The following MGAT4C variants were observed in gnomAD, a reference collection of about 807,000 sequenced individuals.
MGAT4C encodes alpha-1,3-mannosyl-glycoprotein 4-beta-N-acetylglucosaminyltransferase C.
In MGAT4C, 19 loss-of-function variants were observed where a neutral mutation model predicts 40.1. That is an observed-to-expected ratio of 0.47 (90% CI 0.33 to 0.70). The LOEUF is 0.70. Among genes scored for constraint, MGAT4C ranks in the 30% least tolerant of loss-of-function variants. MGAT4C has a pLI of 0.02. For missense variants in MGAT4C, 491 were observed against 563.2 expected (o/e 0.87, Z 1.30); for synonymous variants, 181 against 187.1 (o/e 0.97, Z 0.27).
At chr12:86,732,589 C>T (rs768119284) in intron 1 of MGAT4C, among the ~76,000 whole-genome samples, 11 of 151,958 alleles carry the variant, frequency 7.2e-5, no homozygotes, top group Admixed American at 2.6e-4. Context: ...CACTAGAGTT[C>T]GGACTCCTGT....
intron 1 of MGAT4C, among the ~76,000 whole-genome samples, chr12:86,109,094 C>T (rs1458334804): frequency 6.6e-6 from 1 of 152,112 alleles, no homozygotes; most frequent in Non-Finnish European, 1.5e-5. Flanking sequence ...GGATTTAAAT[C>T]AGCACTATTG....
At chr12:86,097,481 C>A (rs750637870) in intron 1 of MGAT4C, among the ~76,000 whole-genome samples, 1 of 151,488 alleles carries the variant, frequency 6.6e-6, no homozygotes, top group Non-Finnish European at 1.5e-5. Flanking sequence ...TTTTCAATAT[C>A]ACATTTTTAG....
chr12:86,731,734 A>G (rs889090865), intron 1 of MGAT4C, among the ~76,000 whole-genome samples: 52 of 145,428 alleles, frequency 3.6e-4, no homozygotes, highest in African/African-American at 1.4e-3. Context: ...TTCTTCTGGG[A>G]AAAAAAATGC....
chr12:86,131,743 G>T (rs551009121), intron 1 of MGAT4C, among the ~76,000 whole-genome samples: 27 of 150,806 alleles, frequency 1.8e-4, no homozygotes, highest in South Asian at 4.2e-4. Context: ...ATAAAAACTG[G>T]TTTTTTTTTC....
chr12:86,521,832 T>C (rs1044104505), intron 2 of MGAT4C, among the ~76,000 whole-genome samples: 3 of 152,114 alleles, frequency 2.0e-5, no homozygotes, highest in Non-Finnish European at 4.4e-5. Context: ...CTTGGTTAGC[T>C]GTATTCCCAG....
chr12:86,652,884 G>T, intron 2 of MGAT4C, among the ~76,000 whole-genome samples: 2 of 151,346 alleles, frequency 1.3e-5, no homozygotes, highest in Non-Finnish European at 1.5e-5. Flanking sequence ...CATTTGAATG[G>T]GCATTATTTT....
intron 1 of MGAT4C, among the ~76,000 whole-genome samples, chr12:86,127,284 G>A (rs1454316695): frequency 2.0e-5 from 3 of 152,148 alleles, no homozygotes; most frequent in Non-Finnish European, 4.4e-5. Context: ...ACAGTGGTAA[G>A]TATTTGTGTA....
chr12:86,244,951 C>A (rs7958540), intron 1 of MGAT4C, among the ~76,000 whole-genome samples: 2,681 of 152,194 alleles, frequency 0.018, 76 homozygotes, highest in African/African-American at 0.061. Context: ...GGGTGGTATG[C>A]ATTATCTCAT....
intron 4 of MGAT4C, among the ~76,000 whole-genome samples, chr12:86,316,079 CAAAAA>C (rs71076185): frequency 1.4e-3 from 48 of 34,064 alleles, no homozygotes; most frequent in South Asian, 4.0e-3. Flanking sequence ...ATACAAGCAG[CAAAAA>C]AAAAAAAAAA....
chr12:86,473,486 T>C (rs1181159491), intron 2 of MGAT4C, among the ~76,000 whole-genome samples: 2 of 152,136 alleles, frequency 1.3e-5, no homozygotes, highest in Admixed American at 6.6e-5. Flanking sequence ...TTACCAGAGA[T>C]TGATGGAGAA....
At chr12:86,289,839 C>A (rs1039841004) in intron 4 of MGAT4C, among the ~76,000 whole-genome samples, 1 of 151,942 alleles carries the variant, frequency 6.6e-6, no homozygotes, top group African/African-American at 2.4e-5. Context: ...AATTGTTTTC[C>A]CAAATTCATA....
At chr12:85,999,010 T>C (rs537440233) in intron 2 of MGAT4C, among the ~76,000 whole-genome samples, 1 of 152,272 alleles carries the variant, frequency 6.6e-6, no homozygotes, top group African/African-American at 2.4e-5. Context: ...TTTAATGGAC[T>C]TACAGTTCCA....
chr12:86,368,206 A>G (rs1955644505), intron 3 of MGAT4C, among the ~76,000 whole-genome samples: 1 of 152,178 alleles, frequency 6.6e-6, no homozygotes, highest in South Asian at 2.1e-4. Context: ...CATATCAACA[A>G]TGAAAAGGAA....
chr12:86,294,055 C>CAT (rs2136131325), intron 4 of MGAT4C, among the ~76,000 whole-genome samples: 1 of 151,972 alleles, frequency 6.6e-6, no homozygotes, highest in South Asian at 2.1e-4. Flanking sequence ...CCAGTGCACA[C>CAT]AAAGATCATG....
chr12:86,099,130 C>T (rs958940831), intron 1 of MGAT4C, among the ~76,000 whole-genome samples: 7 of 150,902 alleles, frequency 4.6e-5, no homozygotes, highest in Non-Finnish European at 8.9e-5. Context: ...TCAATAACTC[C>T]TTTATTTATT....
At chr12:86,013,729 C>A (rs1888757585) in intron 2 of MGAT4C, 6 of 983,692 alleles carry the variant, frequency 6.1e-6, no homozygotes, top group Non-Finnish European at 7.2e-6. Context: ...GAACATACGG[C>A]TTTTCTAGTG....
intron 1 of MGAT4C, among the ~76,000 whole-genome samples, chr12:86,739,897 T>C (rs1379122893): frequency 6.6e-6 from 1 of 150,580 alleles, no homozygotes; most frequent in Admixed American, 6.7e-5. Flanking sequence ...CACACATAAG[T>C]CCTAAGGCAT....
intron 3 of MGAT4C, among the ~76,000 whole-genome samples, chr12:86,337,470 C>T (rs1954813749): frequency 6.6e-6 from 1 of 151,328 alleles, no homozygotes; most frequent in Non-Finnish European, 1.5e-5. Context: ...ATAGTCCCAG[C>T]TACTTGAGAG....
chr12:86,271,066 A>G (rs1952933835), intron 4 of MGAT4C, among the ~76,000 whole-genome samples: 1 of 152,182 alleles, frequency 6.6e-6, no homozygotes, highest in South Asian at 2.1e-4. Flanking sequence ...AAAAAATACT[A>G]AAAGAAAATC....
Sources: gnomAD v4.1 joint callset for allele counts (sites outside exome capture counted in the v4.1 genomes callset) on GRCh38, gnomAD v4.1.1 for gene constraint, MANE v1.5 for transcripts, NCBI Gene and HGNC (gene_info 2026-07-23, HGNC 2026-07-21) for gene names.